Variants in GUCY2F observed in about 807,000 individuals in gnomAD.
The protein encoded by GUCY2F is retinal guanylyl cyclase 2.
In GUCY2F, 61 loss-of-function variants were observed where a neutral mutation model predicts 73.1. The observed-to-expected ratio is 0.83, with a 90% CI of 0.68 to 1.03. The LOEUF is 1.03. Ranked by LOEUF, GUCY2F falls within the 50% of genes least tolerant of loss-of-function variation. GUCY2F has a pLI of 0.00. For missense variants in GUCY2F, 912 were observed against 854.3 expected, an observed-to-expected ratio of 1.07 and a Z score of -0.84; for synonymous variants, 331 against 307.8, an observed-to-expected ratio of 1.08 and a Z score of -0.79.
At chrX:109,397,202 A>T (rs901939830) in intron 11 of GUCY2F, among the ~76,000 whole-genome samples, 8 of 111,212 alleles carry the variant, frequency 7.2e-5, no homozygotes, top group Admixed American at 6.7e-4. Flanking sequence ...AGAGACCATG[A>T]TACTTTCAGG....
At chrX:109,424,942 T>G (rs1931449950) in intron 8 of GUCY2F, among the ~76,000 whole-genome samples, 1 of 110,730 alleles carries the variant, frequency 9.0e-6, no homozygotes, top group Non-Finnish European at 1.9e-5. Context: ...ACTTTTTGTA[T>G]TTTTAGTACA....
intron 8 of GUCY2F, among the ~76,000 whole-genome samples, chrX:109,426,296 A>ATAGTCAAATATAGGCAAATATTT (rs1931484551): frequency 8.9e-6 from 1 of 112,547 alleles, no homozygotes; most frequent in African/African-American, 3.2e-5. Flanking sequence ...GTAGACTGGA[A>ATAGTCAAATATAGGCAAATATTT]GACCTGATAT....
intron 9 of GUCY2F, among the ~76,000 whole-genome samples, chrX:109,405,054 G>A (rs763116704): frequency 8.9e-6 from 1 of 112,261 alleles, no homozygotes; most frequent in Non-Finnish European, 1.9e-5. Context: ...GGACTGGCTA[G>A]AGTGTGGTAC....
chrX:109,393,560 G>T (rs1930625914), intron 12 of GUCY2F, among the ~76,000 whole-genome samples: 1 of 111,295 alleles, frequency 9.0e-6, no homozygotes, highest in African/African-American at 3.3e-5. Context: ...GAGGGCTCAA[G>T]ATCCACGTGA....
chrX:109,449,816 G>A (rs1458313009), intron 5 of GUCY2F, among the ~76,000 whole-genome samples: 3 of 111,630 alleles, frequency 2.7e-5, no homozygotes, highest in Non-Finnish European at 5.6e-5. Flanking sequence ...ATAGAAAGGC[G>A]ATGCAATCTG....
chrX:109,413,742 C>T (rs1188903536), intron 8 of GUCY2F, among the ~76,000 whole-genome samples: 3 of 110,987 alleles, frequency 2.7e-5, no homozygotes, highest in Non-Finnish European at 5.7e-5. Flanking sequence ...CCTAAGTTAT[C>T]TGAAGGACTC....
At chrX:109,446,404 A>G (rs935838007) in intron 6 of GUCY2F, among the ~76,000 whole-genome samples, 10 of 112,111 alleles carry the variant, frequency 8.9e-5, no homozygotes, top group African/African-American at 3.3e-4. Context: ...CCAAAACAGC[A>G]TGGTACTGGT....
At position 109,458,347 on chromosome X, in the gene GUCY2F, T is replaced by C. The variant is rs758362998; in HGVS notation, c.1033-4488A>G. Among the ~76,000 whole-genome samples the C allele has an allele frequency of 2.7e-5, 3 of 111,868 alleles. 1 individual carries two copies. In the South Asian group the frequency reaches 1.1e-3, roughly 42 times the overall value. On this transcript the variant is annotated intron_variant, in intron 3 of 19. Transcript: ENST00000218006. ...CCCAGCTGTATGACCTTGAGCAAGT[T>C]ACCTTGAGCCTTAGTTTCCTCAACC...
At chrX:109,465,016 A>T (rs1932434884) in intron 3 of GUCY2F, 126 bp downstream of exon 3, 2 of 486,199 alleles carry the variant, frequency 4.1e-6, no homozygotes, top group Admixed American at 3.5e-5. Flanking sequence ...AGATGTTTTT[A>T]ATTTGTCTGT....
chrX:109,400,761 G>T (rs1373421040), intron 10 of GUCY2F, among the ~76,000 whole-genome samples: 1 of 111,863 alleles, frequency 8.9e-6, no homozygotes. Flanking sequence ...TAGTGATTTT[G>T]CCCCTATGTC....
rs1166625137 is a variant in GUCY2F at position 109,391,911 on chromosome X, C to T, written c.2781G>A (p.Lys927=). 2 of 1,178,533 alleles carry T rather than the reference C, an allele frequency of 1.7e-6. No individual in the cohort carries two copies. The highest frequency in any genetic ancestry group is 2.3e-6 in the Non-Finnish European group (2 of 873,350). Residue 927 remains lysine (K), a splice_region_variant and synonymous_variant, in exon 14 of 20, where the codon AAG becomes AAA. Transcript: ENST00000218006. ...DAIIGSHDVY[K]VETIGDAYMV... ...TATATTTTCCTGCTAATTAACCTAC[C>T]TTGTAGACATCATGACTGCCAATTA...
rs1932200667 is a variant in GUCY2F, at chrX:109,453,942, T to G, written c.1033-83A>C. ...TATATTCCAAGCCTGTGTTCATTATTATGGTCTGCACATCTGAGTGAAGTA... is the reference window on the plus strand; with the variant it reads ...TATATTCCAAGCCTGTGTTCATTATGATGGTCTGCACATCTGAGTGAAGTA... On this transcript the variant is annotated intron_variant, in intron 3 of 19. Transcript: ENST00000218006. 20 of 525,107 alleles carry G rather than the reference T, an allele frequency of 3.8e-5. 1 individual carries two copies. In the South Asian group the frequency reaches 5.8e-4, roughly 15 times the overall value. 43.3% of individuals were successfully genotyped at this position (525,107 alleles called of 1,213,427 possible).
intron 3 of GUCY2F, among the ~76,000 whole-genome samples, chrX:109,455,875 C>T (rs766520266): frequency 2.6e-4 from 29 of 111,951 alleles, no homozygotes; most frequent in Non-Finnish European, 5.3e-4. Flanking sequence ...AATCAACATA[C>T]CCAATGTTGA....
chrX:109,470,981 G>A (rs1932562198), intron 2 of GUCY2F, among the ~76,000 whole-genome samples: 1 of 112,023 alleles, frequency 8.9e-6, no homozygotes, highest in Non-Finnish European at 1.9e-5. Context: ...TCCATACAAA[G>A]CCCTTGAAAA....
Position 109,409,091 on chromosome X carries a change from T to C in GUCY2F, c.1869A>G (p.Thr623=). 1 of 1,094,985 alleles carries C rather than the reference T, an allele frequency of 9.1e-7. No individual in the cohort carries two copies. The allele number at this position is 1,094,985 out of a possible 1,213,427, so 90.2% of individuals were successfully genotyped here. ...FYDSGMFAIV[T]EFCSRGSLED... is the part of the protein sequence containing the mutation. ...CTAGGCTCCCTCGGGAACAGAATTC[T>C]GTCACAATGGCAAACATCCCCGAAT... The change falls in exon 9 of 20, where the codon ACA becomes ACG. Residue 623 remains threonine (T), a synonymous_variant. Transcript: ENST00000218006.
At position 109,375,193 on chromosome X, in the gene GUCY2F, G is replaced by A. The variant is rs758480687; in HGVS notation, c.*1+705C>T. The stretch of plus-strand genomic sequence containing the variant: ...ATTTAAAAAAAAAAAAAGCAAACAC[G>A]ATAAAGAAGAGAAGAGATACTGAAA... On this transcript the variant is annotated intron_variant, in intron 19 of 19. Transcript: ENST00000218006. 3.7e-5 allele frequency among the ~76,000 whole-genome samples: 4 copies of A among 108,501 alleles called. No homozygotes were observed. The East Asian group carries it at 8.7e-4, about 24-fold the overall frequency. 94.2% of individuals were successfully genotyped at this position (108,501 alleles called of 115,157 possible).
At chrX:109,405,049 G>T (rs1414991957) in intron 9 of GUCY2F, among the ~76,000 whole-genome samples, 1 of 112,171 alleles carries the variant, frequency 8.9e-6, no homozygotes, top group Non-Finnish European at 1.9e-5. Flanking sequence ...ATAAGGGACT[G>T]GCTAGAGTGT....
rs966295968 is a variant in GUCY2F, at chrX:109,404,805, A to G, written c.1969-321T>C. Among the ~76,000 whole-genome samples the G allele has an allele frequency of 2.2e-4, 25 of 112,189 alleles. 1 individual carries two copies. The highest frequency in any genetic ancestry group is 8.1e-4 in the African/African-American group (25 of 30,830). On this transcript the variant is annotated intron_variant, in intron 9 of 19. Coordinates refer to ENST00000218006, the MANE Select transcript of GUCY2F (RefSeq NM_001522.3). ...AATTTGGAGATTTTGATTTTCCCCA[A>G]AAGTTCTAACCCACTCTCACCCATT...
intron 8 of GUCY2F, among the ~76,000 whole-genome samples, chrX:109,426,622 C>T (rs1387564929): frequency 1.8e-5 from 2 of 111,679 alleles, no homozygotes; most frequent in East Asian, 5.7e-4. Flanking sequence ...ATCTCCTGAC[C>T]TTGTGATCCG....
Sources: gnomAD v4.1 joint callset for allele counts (sites outside exome capture counted in the v4.1 genomes callset) on GRCh38, gnomAD v4.1.1 for gene constraint, MANE v1.5 for transcripts, NCBI Gene and HGNC (gene_info 2026-07-23, HGNC 2026-07-21) for gene names.